Variants in TMCO4 observed in about 807,000 individuals in gnomAD.
TMCO4 encodes transmembrane and coiled-coil domains 4.
A neutral mutation model predicts 64.7 loss-of-function variants in TMCO4; 58 were observed. The ratio of observed to expected loss-of-function variants is 0.90; its 90% CI spans 0.73 to 1.12. The LOEUF is 1.12. Ranked by LOEUF, TMCO4 falls within the 50% of genes most tolerant of loss-of-function variation. TMCO4 has a pLI of 0.00. For missense variants in TMCO4, 780 were observed against 825.9 expected, an observed-to-expected ratio of 0.94 and a Z score of 0.68; for synonymous variants, 325 against 346.1, an observed-to-expected ratio of 0.94 and a Z score of 0.68.
chr1:19,707,481 G>A (rs187268695), intron 13 of TMCO4, among the ~76,000 whole-genome samples: 8 of 152,280 alleles, frequency 5.3e-5, no homozygotes, highest in East Asian at 3.9e-4. Context: ...AAATTATCCC[G>A]GGGTGGTGGC....
At chr1:19,688,729 G>A (rs1019363713) in intron 15 of TMCO4, among the ~76,000 whole-genome samples, 12 of 152,162 alleles carry the variant, frequency 7.9e-5, no homozygotes, top group African/African-American at 2.4e-4. Context: ...CCTGTACAAC[G>A]GGTTACTACC....
chr1:19,788,208 T>C (rs946807986), intron 2 of TMCO4, among the ~76,000 whole-genome samples: 1 of 152,206 alleles, frequency 6.6e-6, no homozygotes, highest in African/African-American at 2.4e-5. Context: ...GCCTAAAAAC[T>C]GAATATTCAC....
intron 13 of TMCO4, among the ~76,000 whole-genome samples, chr1:19,713,061 G>A (rs1027420643): frequency 5.9e-5 from 9 of 152,156 alleles, no homozygotes; most frequent in African/African-American, 2.2e-4. Context: ...TGGAATTCAC[G>A]TGCAAGGCCT....
Position 19,682,661 on chromosome 1 carries a change from C to T in TMCO4, c.*379G>A, listed in dbSNP as rs754263310. The T allele has an allele frequency of 1.3e-4, 91 of 717,454 alleles. No homozygotes were observed. Among genetic ancestry groups the T allele is most frequent in the South Asian group, 4.0e-4 (27 of 67,594 alleles). The allele number at this position is 717,454 out of a possible 1,614,324, so 44.4% of individuals were successfully genotyped here. A position where few individuals can be genotyped will look rare whatever the true frequency, so the allele number is the denominator to read the frequency against. On this transcript the variant is annotated 3_prime_UTR_variant, in exon 16 of 16. Transcript: ENST00000294543. Reference sequence around the variant, plus strand: ...GGCCAGGGGAGAGCTGGTGTGGGAGCCTCAGGCCCCAGAGAGCCCTCGGGA... The same window carrying T: ...GGCCAGGGGAGAGCTGGTGTGGGAGTCTCAGGCCCCAGAGAGCCCTCGGGA...
intron 13 of TMCO4, 123 bp from the exon 14 acceptor site, chr1:19,701,008 A>G: frequency 1.3e-6 from 1 of 751,484 alleles, no homozygotes; most frequent in South Asian, 1.7e-5. Flanking sequence ...GTGAACGTGG[A>G]CAATCATGTG....
At chr1:19,746,643 G>A in intron 8 of TMCO4, 44 bp from the exon 9 acceptor site, 1 of 1,572,764 alleles carries the variant, frequency 6.4e-7, no homozygotes, top group Non-Finnish European at 8.7e-7. Flanking sequence ...AAAATGTGGT[G>A]GCTGGACGCG....
intron 15 of TMCO4, 26 bp downstream of exon 15, chr1:19,694,408 C>T (rs2095220778): frequency 1.9e-6 from 3 of 1,603,230 alleles, no homozygotes; most frequent in Non-Finnish European, 1.7e-6. Flanking sequence ...AACGCAAAGC[C>T]CCAGGAGGAA....
At chr1:19,756,634 G>C (rs1159057220) in intron 6 of TMCO4, among the ~76,000 whole-genome samples, 1 of 152,152 alleles carries the variant, frequency 6.6e-6, no homozygotes, top group Non-Finnish European at 1.5e-5. Flanking sequence ...GCCATAAAAA[G>C]TGATTCCTAA....
chr1:19,740,053 G>A, intron 11 of TMCO4, 93 bp from the exon 12 acceptor site: 1 of 1,435,128 alleles, frequency 7.0e-7, no homozygotes, highest in Non-Finnish European at 9.3e-7. Context: ...ATAAATGCAT[G>A]CAGTCTCCAA....
At chr1:19,756,445 GC>G (rs1182512603) in intron 6 of TMCO4, among the ~76,000 whole-genome samples, 7 of 151,978 alleles carry the variant, frequency 4.6e-5, no homozygotes, top group African/African-American at 1.5e-4. Flanking sequence ...AATCCCCTTT[GC>G]CCCAGGAATT....
chr1:19,791,281 T>A (rs184120348), intron 2 of TMCO4, among the ~76,000 whole-genome samples: 1 of 151,790 alleles, frequency 6.6e-6, no homozygotes, highest in East Asian at 1.9e-4. Flanking sequence ...GTAACAAAAC[T>A]GTACATCCTG....
intron 15 of TMCO4, among the ~76,000 whole-genome samples, chr1:19,693,251 G>T (rs1037426495): frequency 1.3e-5 from 2 of 149,814 alleles, no homozygotes; most frequent in Non-Finnish European, 1.5e-5. Context: ...GGGAGGCTGA[G>T]GCAGGCAGAT....
At chr1:19,773,923 C>T (rs1009769552) in intron 4 of TMCO4, among the ~76,000 whole-genome samples, 1 of 152,080 alleles carries the variant, frequency 6.6e-6, no homozygotes, top group Non-Finnish European at 1.5e-5. Context: ...AGTCCTGGTT[C>T]CCCTGGAAAT....
rs140190001 is a variant in TMCO4, at chr1:19,683,190, T to C, written c.1755A>G (p.Pro585=). 1.9e-6 allele frequency: 3 copies of C among 1,614,114 alleles called. No homozygotes were observed. The African/African-American group carries it at 4.0e-5, about 22-fold the overall frequency. ...CCCCTTCAGACTGGTCCAGCCCTAC[T>C]GGCACCTGGGCTTGGCTGGGGTCTG... is the stretch of plus-strand genomic sequence containing the variant. The part of the protein sequence containing the change: ...MSTDPSQAQV[P]VGLDQSEGAS... The change falls in exon 16 of 16, where the codon CCA becomes CCG. Residue 585 remains proline, a synonymous_variant. Coordinates refer to ENST00000294543, the MANE Select transcript of TMCO4 (RefSeq NM_181719.7).
intron 13 of TMCO4, among the ~76,000 whole-genome samples, chr1:19,735,735 T>C (rs2095451227): frequency 6.6e-6 from 1 of 152,210 alleles, no homozygotes; most frequent in South Asian, 2.1e-4. Context: ...TAAGTTAACA[T>C]AGCATTTATG....
At chr1:19,685,675 C>T (rs2095141442) in intron 15 of TMCO4, among the ~76,000 whole-genome samples, 2 of 147,994 alleles carry the variant, frequency 1.4e-5, no homozygotes, top group South Asian at 4.3e-4. Flanking sequence ...ACAGCTAGAA[C>T]TTGGCAGGGC....
intron 15 of TMCO4, 93 bp downstream of exon 15, chr1:19,694,341 C>T: frequency 9.3e-7 from 1 of 1,076,352 alleles, no homozygotes; most frequent in Non-Finnish European, 1.4e-6. Flanking sequence ...TGGCGTGGAC[C>T]AGGCTGGGGC....
At chr1:19,683,532 C>T in intron 15 of TMCO4, 88 bp from the exon 16 acceptor site, 2 of 1,481,864 alleles carry the variant, frequency 1.3e-6, no homozygotes, top group Non-Finnish European at 1.8e-6. Context: ...GGGCCTCAGC[C>T]TTGCCCTGAG....
At position 19,716,165 on chromosome 1, in the gene TMCO4, T is replaced by TTTTTTATTA. The variant is rs1553131938; in HGVS notation, c.1265-15281_1265-15280insTAATAAAAA. Among the ~76,000 whole-genome samples the TTTTTTATTA allele has an allele frequency of 1.2e-4, 17 of 144,904 alleles. No homozygotes were observed. The East Asian group carries it at 1.2e-3, about 10-fold the overall frequency. On this transcript the variant is annotated intron_variant, in intron 13 of 15. Transcript: ENST00000294543. ...GACCTCTTCTCTATTTTATTTTTATTTTATTATTATTATTATTATTAATTT... is the reference window on the plus strand; with the variant it reads ...GACCTCTTCTCTATTTTATTTTTATTTTTTTATTATTATTATTATTATTATTATTAATTT...
Sources: gnomAD v4.1 joint callset for allele counts (sites outside exome capture counted in the v4.1 genomes callset) on GRCh38, gnomAD v4.1.1 for gene constraint, MANE v1.5 for transcripts, NCBI Gene and HGNC (gene_info 2026-07-23, HGNC 2026-07-21) for gene names.